The following WDPCP variants were observed in gnomAD, a reference collection of about 807,000 sequenced individuals.
The protein encoded by WDPCP is WD repeat-containing and planar cell polarity effector protein fritz homolog.
In WDPCP, 71 loss-of-function variants were observed where a neutral mutation model predicts 93.1. The observed-to-expected ratio is 0.76, with a 90% CI of 0.63 to 0.93. WDPCP has a LOEUF of 0.93. Ranked by LOEUF, WDPCP falls within the 40% of genes least tolerant of loss-of-function variation. The pLI is 0.00. For missense variants in WDPCP, 844 were observed against 887.4 expected (o/e 0.95, Z 0.62); for synonymous variants, 315 against 315.0 (o/e 1.00, Z 0.00).
At chr2:63,407,381 G>A (rs960541147) in intron 9 of WDPCP, among the ~76,000 whole-genome samples, 2 of 152,228 alleles carry the variant, frequency 1.3e-5, no homozygotes, top group African/African-American at 2.4e-5. Flanking sequence ...AGGCCACTAG[G>A]GACTTTGATT....
chr2:63,335,258 C>A (rs1358482217), intron 12 of WDPCP, among the ~76,000 whole-genome samples: 1 of 152,076 alleles, frequency 6.6e-6, no homozygotes, highest in Non-Finnish European at 1.5e-5. Flanking sequence ...CCCAGACCCT[C>A]TTTGGAAAAA....
At chr2:63,571,691 T>C (rs1286154863) in intron 1 of WDPCP, 5 of 460,270 alleles carry the variant, frequency 1.1e-5, no homozygotes, top group Non-Finnish European at 1.8e-5. Context: ...TATTTTAAGA[T>C]GCCAGAAAAG....
rs370816882 is a variant in WDPCP, at chr2:63,339,847, T to C, written c.1749-26536A>G. On this transcript the variant is annotated intron_variant, in intron 12 of 17. Transcript: ENST00000272321. ...GTGGGTTTGTCATAGATGGCCTTTA[T>C]TATTTTGAGGTATGTTCCTTCTATA... Among the ~76,000 whole-genome samples, 149 of 152,310 alleles carry C rather than the reference T, an allele frequency of 9.8e-4. 5 individuals carry two copies. The South Asian group carries it at 0.03, about 31-fold the overall frequency.
At chr2:63,522,237 T>C (rs1323824841) in intron 1 of WDPCP, among the ~76,000 whole-genome samples, 1 of 151,728 alleles carries the variant, frequency 6.6e-6, no homozygotes, top group African/African-American at 2.4e-5. Flanking sequence ...TGTGTTCTCA[T>C]TGTTCAACTT....
At chr2:63,290,223 C>A in intron 13 of WDPCP, among the ~76,000 whole-genome samples, 1 of 151,858 alleles carries the variant, frequency 6.6e-6, no homozygotes. Context: ...CTTTTTAAAG[C>A]AACATACCTA....
intron 14 of WDPCP, among the ~76,000 whole-genome samples, chr2:63,177,876 T>C (rs767856100): frequency 6.6e-6 from 1 of 152,152 alleles, no homozygotes; most frequent in Non-Finnish European, 1.5e-5. Context: ...GCCTTTATTA[T>C]GTTGGAGTAT....
intron 6 of WDPCP, among the ~76,000 whole-genome samples, chr2:63,459,670 C>T (rs535657501): frequency 6.6e-6 from 1 of 152,304 alleles, no homozygotes; most frequent in South Asian, 2.1e-4. Context: ...AATCCCAGCA[C>T]TTTGGGAGGC....
At chr2:63,325,015 G>A (rs1687424053) in intron 12 of WDPCP, among the ~76,000 whole-genome samples, 1 of 152,170 alleles carries the variant, frequency 6.6e-6, no homozygotes, top group African/African-American at 2.4e-5. Flanking sequence ...CCAATCAGCT[G>A]CAGATATCAG....
In WDPCP at chr2:63,492,933, T is replaced by A. The variant is rs144703991; in HGVS notation, c.83A>T (p.Asp28Val). The A allele has an allele frequency of 5.8e-4, 930 of 1,613,370 alleles. 19 individuals carry two copies. In the East Asian group the frequency reaches 8.5e-3, roughly 15 times the overall value. ...ASSPLPRQDR[D>V]SFCHQMSFCL... Reference sequence around the variant, plus strand: ...GAAAGACATCTGATGGCAGAAGGAATCTCTATCCTGTTTAAAAAATAATTA... The same window carrying A: ...GAAAGACATCTGATGGCAGAAGGAAACTCTATCCTGTTTAAAAAATAATTA... Residue 28 changes from aspartate to valine, a missense_variant, in exon 2 of 18, where the codon GAT becomes GTT. Physicochemically the swap from Asp to Val is radical, Grantham distance 152. Coordinates refer to ENST00000272321, the MANE Select transcript of WDPCP (RefSeq NM_015910.7).
intron 1 of WDPCP, among the ~76,000 whole-genome samples, chr2:63,502,236 C>G (rs1360696227): frequency 1.3e-5 from 2 of 152,264 alleles, no homozygotes; most frequent in East Asian, 3.9e-4. Flanking sequence ...ACAGATAGAT[C>G]TACCTGATGT....
At chr2:63,736,612 A>G (rs1669643287) in intron 2 of WDPCP, among the ~76,000 whole-genome samples, 1 of 152,238 alleles carries the variant, frequency 6.6e-6, no homozygotes, top group African/African-American at 2.4e-5. Flanking sequence ...ATGAAGGAAA[A>G]GGGCATCAGT....
At chr2:63,214,073 A>C (rs1053982670) in intron 14 of WDPCP, among the ~76,000 whole-genome samples, 4 of 152,198 alleles carry the variant, frequency 2.6e-5, no homozygotes, top group Non-Finnish European at 5.9e-5. Context: ...TGCCTTCTGA[A>C]ACTGTTCCAG....
At chr2:63,163,402 T>A (rs2103911762) in intron 15 of WDPCP, among the ~76,000 whole-genome samples, 1 of 152,274 alleles carries the variant, frequency 6.6e-6, no homozygotes, top group East Asian at 1.9e-4. Context: ...ATGTCTCTAG[T>A]GAGTTTCTGG....
chr2:63,588,359 C>T lies in WDPCP; in HGVS notation c.-88G>A. 6.8e-7 allele frequency: 1 copy of T among 1,471,474 alleles called. No homozygotes were observed. Among genetic ancestry groups the T allele is most frequent in the Non-Finnish European group, 9.3e-7 (1 of 1,074,822 alleles). The allele number at this position is 1,471,474 out of a possible 1,614,324, so 91.2% of individuals were successfully genotyped here. A position where few individuals can be genotyped will look rare whatever the true frequency, so the allele number is the denominator to read the frequency against. On this transcript the variant is annotated 5_prime_UTR_variant, in exon 1 of 18. Coordinates refer to ENST00000272321, the MANE Select transcript of WDPCP (RefSeq NM_015910.7). ...CACGCTCGCTTGGTCTCTTGGGTCT[C>T]CAGGACGCCGCCGCCGCCGCCACAG...
chr2:63,308,416 T>A (rs1347017465), intron 13 of WDPCP, among the ~76,000 whole-genome samples: 9 of 152,184 alleles, frequency 5.9e-5, no homozygotes, highest in African/African-American at 2.2e-4. Flanking sequence ...GGATTATAAA[T>A]CATTCTACTA....
At chr2:63,619,501 T>C (rs995651511) in intron 3 of WDPCP, among the ~76,000 whole-genome samples, 7 of 152,166 alleles carry the variant, frequency 4.6e-5, no homozygotes, top group Admixed American at 1.3e-4. Flanking sequence ...CCTTGCAGCA[T>C]TGCCTCCCTT....
At chr2:63,724,623 G>A (rs1669472403) in intron 2 of WDPCP, among the ~76,000 whole-genome samples, 1 of 152,118 alleles carries the variant, frequency 6.6e-6, no homozygotes, top group African/African-American at 2.4e-5. Context: ...TAAAAGACAA[G>A]TATGGGGCAT....
At chr2:63,371,587 C>G (rs959961394) in intron 12 of WDPCP, among the ~76,000 whole-genome samples, 2 of 152,130 alleles carry the variant, frequency 1.3e-5, no homozygotes, top group African/African-American at 2.4e-5. Context: ...AGCCAAACTG[C>G]TGGGATTTAA....
chr2:63,700,413 TC>T (rs1383264782), intron 2 of WDPCP, among the ~76,000 whole-genome samples: 2 of 151,992 alleles, frequency 1.3e-5, no homozygotes, highest in Non-Finnish European at 2.9e-5. Flanking sequence ...ACAAGACTTT[TC>T]CAAGGAAAAA....
Sources: gnomAD v4.1 joint callset for allele counts (sites outside exome capture counted in the v4.1 genomes callset) on GRCh38, gnomAD v4.1.1 for gene constraint, MANE v1.5 for transcripts, NCBI Gene and HGNC (gene_info 2026-07-23, HGNC 2026-07-21) for gene names.